CDK14: variants seen among roughly 807,000 people sequenced by gnomAD.
CDK14 encodes cyclin-dependent kinase 14.
A neutral mutation model predicts 60.7 loss-of-function variants in CDK14; 34 were observed. The observed-to-expected ratio is 0.56, with a 90% CI of 0.43 to 0.75. The LOEUF is 0.75. Ranked by LOEUF, CDK14 falls within the 30% of genes least tolerant of loss-of-function variation. The pLI, the probability that CDK14 is intolerant of heterozygous loss-of-function variation, is 0.00. For missense variants in CDK14, 482 were observed against 564.1 expected, an observed-to-expected ratio of 0.85 and a Z score of 1.47; for synonymous variants, 197 against 203.7, an observed-to-expected ratio of 0.97 and a Z score of 0.28.
At chr7:90,998,621 G>T (rs1232882210) in intron 10 of CDK14, among the ~76,000 whole-genome samples, 1 of 152,196 alleles carries the variant, frequency 6.6e-6, no homozygotes, top group East Asian at 1.9e-4. Context: ...GGGCGCGGTG[G>T]CTCACGCCTG....
intron 2 of CDK14, among the ~76,000 whole-genome samples, chr7:90,708,069 T>A (rs189203938): frequency 1.3e-5 from 2 of 152,312 alleles, no homozygotes. Context: ...GGAAAGGGGA[T>A]TGCCTAAGAA....
rs559931799 is a variant in CDK14 at position 91,158,912 on chromosome 7, A to T, written c.*28+40704A>T. Among the ~76,000 whole-genome samples, 12 of 152,326 alleles carry T rather than the reference A, an allele frequency of 7.9e-5. No individual in the cohort carries two copies. In the South Asian group the frequency reaches 1.0e-3, roughly 13 times the overall value. On this transcript the variant is annotated intron_variant, in intron 14 of 14. Coordinates refer to ENST00000380050, the MANE Select transcript of CDK14 (RefSeq NM_001287135.2). ...AAAGTGGGAATTATGTTGTATTTCA[A>T]TAATGTGCTTTTACCAGAAGGAAAA...
chr7:90,731,371 C>G (rs998203664), intron 3 of CDK14, among the ~76,000 whole-genome samples: 1 of 152,122 alleles, frequency 6.6e-6, no homozygotes, highest in African/African-American at 2.4e-5. Context: ...TTTTCCAGTT[C>G]TGTGAAGAAA....
intron 10 of CDK14, among the ~76,000 whole-genome samples, chr7:91,035,453 G>T (rs556891921): frequency 6.6e-6 from 1 of 152,170 alleles, no homozygotes; most frequent in East Asian, 1.9e-4. Context: ...ATGTGGCTCC[G>T]CATAAGTCAG....
intron 4 of CDK14, among the ~76,000 whole-genome samples, chr7:90,778,169 T>A (rs546841109): frequency 7.6e-4 from 116 of 152,326 alleles, no homozygotes; most frequent in South Asian, 1.5e-3. Flanking sequence ...AGTTGGATGT[T>A]CCCAGACTAA....
intron 12 of CDK14, among the ~76,000 whole-genome samples, chr7:91,094,538 A>G (rs1189712280): frequency 6.6e-6 from 1 of 151,858 alleles, no homozygotes; most frequent in Non-Finnish European, 1.5e-5. Context: ...CCCGAAAACA[A>G]CTCTCAAATT....
At chr7:90,831,389 GAGC>G (rs1476083827) in intron 5 of CDK14, among the ~76,000 whole-genome samples, 3 of 152,114 alleles carry the variant, frequency 2.0e-5, no homozygotes, top group Non-Finnish European at 4.4e-5. Flanking sequence ...ACCATTATGA[GAGC>G]AGGATGGGGG....
chr7:91,034,945 T>TACACACACACACACAC (rs35003949), intron 10 of CDK14, among the ~76,000 whole-genome samples: 7 of 146,094 alleles, frequency 4.8e-5, no homozygotes, highest in South Asian at 2.2e-4. Flanking sequence ...CACATACACA[T>TACACACACACACACAC]ACACACACAC....
At chr7:90,661,180 G>C (rs963561464) in intron 2 of CDK14, among the ~76,000 whole-genome samples, 8 of 152,220 alleles carry the variant, frequency 5.3e-5, no homozygotes, top group Non-Finnish European at 5.9e-5. Flanking sequence ...AAATTCTTGA[G>C]AGTCTGAAAT....
intron 2 of CDK14, among the ~76,000 whole-genome samples, chr7:90,608,060 G>A (rs1799456803): frequency 6.6e-6 from 1 of 152,164 alleles, no homozygotes; most frequent in Non-Finnish European, 1.5e-5. Flanking sequence ...ATAGTTTTTA[G>A]TGGACATAAT....
At chr7:90,744,578 T>C (rs1485370712) in intron 3 of CDK14, among the ~76,000 whole-genome samples, 2 of 147,830 alleles carry the variant, frequency 1.4e-5, no homozygotes, top group East Asian at 4.3e-4. Context: ...CACTTCCCAG[T>C]AGGGGCGGCC....
rs1268469202 is a variant in CDK14 at position 91,045,911 on chromosome 7, A to C, written c.1056A>C (p.Pro352=). 1 of 1,610,704 alleles carries C rather than the reference A, an allele frequency of 6.2e-7. No individual in the cohort carries two copies. ...CTCTCCACTAGGTTCTTGGAACACCAAATGAGGACACATGGCCTGGAGTTC... is the reference window on the plus strand; with the variant it reads ...CTCTCCACTAGGTTCTTGGAACACCCAATGAGGACACATGGCCTGGAGTTC... ...LERIFLVLGT[P]NEDTWPGVHS... Residue 352 remains proline, a synonymous_variant, in exon 11 of 15, where the codon CCA becomes CCC. Transcript: ENST00000380050.
chr7:90,963,680 G>GTTT (rs376787216), intron 9 of CDK14, among the ~76,000 whole-genome samples: 6 of 130,874 alleles, frequency 4.6e-5, no homozygotes, highest in Non-Finnish European at 6.5e-5. Flanking sequence ...GAAGACAAAG[G>GTTT]TTTTTTTTTT....
At chr7:91,050,465 T>C (rs1459794382) in intron 11 of CDK14, among the ~76,000 whole-genome samples, 1 of 152,144 alleles carries the variant, frequency 6.6e-6, no homozygotes, top group East Asian at 1.9e-4. Flanking sequence ...ATTATTGAAA[T>C]AGTGAAAGAA....
chr7:90,897,517 G>T (rs1046005522), intron 6 of CDK14, among the ~76,000 whole-genome samples: 1 of 151,960 alleles, frequency 6.6e-6, no homozygotes, highest in African/African-American at 2.4e-5. Context: ...TATTTTAAAA[G>T]AATACCTTAT....
intron 14 of CDK14, among the ~76,000 whole-genome samples, chr7:91,200,069 A>G (rs2115989966): frequency 6.6e-6 from 1 of 152,292 alleles, no homozygotes; most frequent in South Asian, 2.1e-4. Flanking sequence ...TGTCAGAGAA[A>G]CTGGAAAACA....
intron 5 of CDK14, among the ~76,000 whole-genome samples, chr7:90,858,523 T>A (rs1379304999): frequency 6.6e-6 from 1 of 152,166 alleles, no homozygotes; most frequent in East Asian, 1.9e-4. Context: ...ACTTGAAAAA[T>A]GGAATTTGAC....
At chr7:90,865,452 C>T (rs1791146811) in intron 6 of CDK14, among the ~76,000 whole-genome samples, 1 of 152,168 alleles carries the variant, frequency 6.6e-6, no homozygotes, top group Admixed American at 6.5e-5. Flanking sequence ...AAGGTTCTTA[C>T]ATACCTTAAT....
intron 12 of CDK14, among the ~76,000 whole-genome samples, chr7:91,086,663 GT>G (rs1458412185): frequency 3.0e-5 from 4 of 133,100 alleles, no homozygotes; most frequent in Non-Finnish European, 7.0e-5. Flanking sequence ...CCCTGTGGGT[GT>G]GTGTGTGTGT....
Sources: gnomAD v4.1 joint callset for allele counts (sites outside exome capture counted in the v4.1 genomes callset) on GRCh38, gnomAD v4.1.1 for gene constraint, MANE v1.5 for transcripts, NCBI Gene and HGNC (gene_info 2026-07-23, HGNC 2026-07-21) for gene names.